Variants in LPCAT1 observed in about 807,000 individuals in gnomAD.
LPCAT1 encodes the protein lysophosphatidylcholine acyltransferase 1, also known as 1-acylglycerol-3-phosphate O-acyltransferase.
Under a neutral mutation model 60.9 loss-of-function variants are expected in LPCAT1, and 23 were observed. The observed-to-expected ratio is 0.38, with a 90% CI of 0.27 to 0.53. The LOEUF is 0.53. Ranked by LOEUF, LPCAT1 falls within the 20% of genes least tolerant of loss-of-function variation. LPCAT1 has a pLI of 0.82. For missense variants in LPCAT1, 622 were observed against 723.6 expected, an observed-to-expected ratio of 0.86 and a Z score of 1.61; for synonymous variants, 340 against 301.1, an observed-to-expected ratio of 1.13 and a Z score of -1.34.
At chr5:1,514,549 G>A (rs183517154) in intron 1 of LPCAT1, among the ~76,000 whole-genome samples, 2 of 152,276 alleles carry the variant, frequency 1.3e-5, no homozygotes, top group Admixed American at 6.5e-5. Flanking sequence ...TGAACCAAAC[G>A]CCCCACACCC....
rs538788227 is a variant in LPCAT1, at chr5:1,490,872, C to T, written c.494-1014G>A. Among the ~76,000 whole-genome samples, 53 of 152,288 alleles carry T rather than the reference C, an allele frequency of 3.5e-4. 1 individual carries two copies. The highest frequency in any genetic ancestry group is 3.4e-3 in the Middle Eastern group (1 of 294). On this transcript the variant is annotated intron_variant, in intron 3 of 13. Coordinates refer to ENST00000283415, the MANE Select transcript of LPCAT1 (RefSeq NM_024830.5). ...GAGGACGGTGAGCAGGATCCACACTCGGCGCCCCCCAGGCCAACTGAAGGT... is the reference window on the plus strand; with the variant it reads ...GAGGACGGTGAGCAGGATCCACACTTGGCGCCCCCCAGGCCAACTGAAGGT...
chr5:1,476,546 T>C lies in LPCAT1; in HGVS notation c.899+858A>G, dbSNP rs1734926397. The stretch of plus-strand genomic sequence containing the variant: ...CTCTGGAGAGGCGAGTTCCCAGCCA[T>C]GCCCCGACCTGCTGCAGCAGGAGCC... On this transcript the variant is annotated intron_variant, in intron 9 of 13. Transcript: ENST00000283415. The surrounding 1 kb of genome is among the most constrained non-coding windows in gnomAD (Gnocchi z 8.6). Among the ~76,000 whole-genome samples the C allele has an allele frequency of 6.6e-6, 1 of 152,070 alleles. No homozygotes were observed. Among genetic ancestry groups the C allele is most frequent in the African/African-American group, 2.4e-5 (1 of 41,398 alleles).
At chr5:1,469,916 G>C (rs1734599321) in intron 12 of LPCAT1, among the ~76,000 whole-genome samples, 1 of 152,252 alleles carries the variant, frequency 6.6e-6, no homozygotes, top group Admixed American at 6.5e-5. Flanking sequence ...AGGGAGGTCA[G>C]GCTTTCTTAC....
At position 1,470,912 on chromosome 5, in the gene LPCAT1, C is replaced by T. The variant is rs753927160; in HGVS notation, c.1192G>A (p.Glu398Lys). 13 of 1,613,002 alleles carry T rather than the reference C, an allele frequency of 8.1e-6. No individual in the cohort carries two copies. The East Asian group carries it at 1.1e-4, about 14-fold the overall frequency. ...ACCACACACTCTCGCAGGTCCACCT[C>T]GCCGCTGCCGCTCTGTGGGGAGAGA... is the stretch of plus-strand genomic sequence containing the variant. ...FSLFDESGSG[E>K]VDLRECVVAL... Residue 398 changes from glutamate to lysine, a missense_variant, in exon 12 of 14, where the codon GAG becomes AAG. Transcript: ENST00000283415.
At position 1,521,385 on chromosome 5, in the gene LPCAT1, G is replaced by A. The variant is rs1296663555; in HGVS notation, c.135+2325C>T. On this transcript the variant is annotated intron_variant, in intron 1 of 13. Coordinates refer to ENST00000283415, the MANE Select transcript of LPCAT1 (RefSeq NM_024830.5). This position sits in a 1 kb window ranked among gnomAD's most constrained non-coding sequence, Gnocchi z 4.3. Reference sequence around the variant, plus strand: ...CTGGGAACTTAGCTGGGTTTCTGCGGGTTCTTGAGTGTGTCAGCCACTACT... The same window carrying A: ...CTGGGAACTTAGCTGGGTTTCTGCGAGTTCTTGAGTGTGTCAGCCACTACT... 3.0e-6 allele frequency: 3 copies of A among 985,318 alleles called. No individual in the cohort carries two copies. The African/African-American group carries it at 5.2e-5, about 17-fold the overall frequency. 61.0% of individuals were successfully genotyped at this position (985,318 alleles called of 1,614,324 possible). A position where few individuals can be genotyped will look rare whatever the true frequency, so the allele number is the denominator to read the frequency against.
chr5:1,483,393 C>A lies in LPCAT1; in HGVS notation c.726+35G>T, dbSNP rs1300005987. ...CGCAGTTCCCGTTTCCCGGAGAATT[C>A]CCCTGGAAGCTGACCCCAAAAAAAC... On this transcript the variant is annotated intron_variant, in intron 6 of 13. Transcript: ENST00000283415. This position sits in a 1 kb window ranked among gnomAD's most constrained non-coding sequence, Gnocchi z 9.2. The A allele has an allele frequency of 1.9e-6, 3 of 1,610,748 alleles. No individual in the cohort carries two copies. Among genetic ancestry groups the A allele is most frequent in the Non-Finnish European group, 2.5e-6 (3 of 1,177,454 alleles).
rs1203365898 is a variant in LPCAT1 at position 1,521,544 on chromosome 5, A to C, written c.135+2166T>G. On this transcript the variant is annotated intron_variant, in intron 1 of 13. Transcript: ENST00000283415. The surrounding 1 kb of genome is among the most constrained non-coding windows in gnomAD (Gnocchi z 4.3). ...AAAGCAATGCTTGGTGAAAAGCAAA[A>C]TGTTTCTGCAGAGAACTTTGAGAAC... 2.2e-6 allele frequency: 2 copies of C among 926,046 alleles called. No individual in the cohort carries two copies. Among genetic ancestry groups the C allele is most frequent in the African/African-American group, 3.6e-5 (2 of 55,904 alleles). The allele number at this position is 926,046 out of a possible 1,614,324, so 57.4% of individuals were successfully genotyped here.
rs972448950 is a variant in LPCAT1 at position 1,523,359 on chromosome 5, G to A, written c.135+351C>T. ...GGTCCAGCCTCCCGCGGGAGCCGAGGTCGGGGCTCTGGGAGGCAGAGAAAG... is the reference window on the plus strand; with the variant it reads ...GGTCCAGCCTCCCGCGGGAGCCGAGATCGGGGCTCTGGGAGGCAGAGAAAG... On this transcript the variant is annotated intron_variant, in intron 1 of 13. Transcript: ENST00000283415. This position sits in a 1 kb window ranked among gnomAD's most constrained non-coding sequence, Gnocchi z 7.1. 3.2e-4 allele frequency among the ~76,000 whole-genome samples: 48 copies of A among 151,982 alleles called. No individual in the cohort carries two copies. Among genetic ancestry groups the A allele is most frequent in the Admixed American group, 2.6e-4 (4 of 15,268 alleles).
intron 1 of LPCAT1, among the ~76,000 whole-genome samples, chr5:1,513,580 G>T (rs996631475): frequency 3.9e-5 from 6 of 152,206 alleles, no homozygotes; most frequent in Non-Finnish European, 8.8e-5. Context: ...TGGAGGCTGC[G>T]GGGACTCGGT....
chr5:1,478,223 A>G (rs890791163), intron 8 of LPCAT1, among the ~76,000 whole-genome samples: 2 of 152,258 alleles, frequency 1.3e-5, no homozygotes, highest in Non-Finnish European at 2.9e-5. Flanking sequence ...TATGACCCAC[A>G]TTGCACACCG....
At position 1,465,379 on chromosome 5, in the gene LPCAT1, CG is replaced by C. The variant is rs1330076833; in HGVS notation, c.1420+1369del. Reference sequence around the variant, plus strand: ...GCACGCACAAGTGCACGAACACACACGGTAACACACATGCGCATGCACACAT... The same window carrying C: ...GCACGCACAAGTGCACGAACACACACGTAACACACATGCGCATGCACACAT... On this transcript the variant is annotated intron_variant, in intron 13 of 13. Coordinates refer to ENST00000283415, the MANE Select transcript of LPCAT1 (RefSeq NM_024830.5). 1.3e-4 allele frequency among the ~76,000 whole-genome samples: 19 copies of C among 143,458 alleles called. No homozygotes were observed. The South Asian group carries it at 4.2e-3, about 32-fold the overall frequency. The allele number at this position is 143,458 out of a possible 152,430, so 94.1% of individuals were successfully genotyped here.
intron 11 of LPCAT1, among the ~76,000 whole-genome samples, chr5:1,471,474 C>T (rs933579798): frequency 1.4e-4 from 22 of 152,296 alleles, no homozygotes; most frequent in African/African-American, 4.8e-4. Flanking sequence ...TGGGGGCTGA[C>T]AGGGTCTGCA....
At position 1,495,350 on chromosome 5, in the gene LPCAT1, G is replaced by A. The variant is rs189335654; in HGVS notation, c.279-436C>T. Among the ~76,000 whole-genome samples the A allele has an allele frequency of 9.2e-5, 14 of 151,574 alleles. No homozygotes were observed. Among genetic ancestry groups the A allele is most frequent in the Middle Eastern group, 6.8e-3 (2 of 294 alleles). On this transcript the variant is annotated intron_variant, in intron 2 of 13. Transcript: ENST00000283415. This position sits in a 1 kb window ranked among gnomAD's most constrained non-coding sequence, Gnocchi z 4.7. ...CAATATGGGGGGGGGGGCGCTCAGAGCTGAGGGCGGAAGCTGAGACCTGCG... is the reference window on the plus strand; with the variant it reads ...CAATATGGGGGGGGGGGCGCTCAGAACTGAGGGCGGAAGCTGAGACCTGCG...
At chr5:1,465,893 GCACA>G (rs1164884202) in intron 13 of LPCAT1, among the ~76,000 whole-genome samples, 1 of 151,170 alleles carries the variant, frequency 6.6e-6, no homozygotes, top group South Asian at 2.1e-4. Flanking sequence ...AGGCGCACAC[GCACA>G]CACACGTGTG....
chr5:1,484,246 G>A (rs1158596024), intron 5 of LPCAT1, among the ~76,000 whole-genome samples: 2 of 152,246 alleles, frequency 1.3e-5, no homozygotes, highest in African/African-American at 4.8e-5. Context: ...GAACTTCCCC[G>A]TTCCCACTGG....
rs1488864696 is a variant in LPCAT1 at position 1,481,412 on chromosome 5, A to G, written c.727-436T>C. Among the ~76,000 whole-genome samples, 3 of 151,958 alleles carry G rather than the reference A, an allele frequency of 2.0e-5. No homozygotes were observed. Among genetic ancestry groups the G allele is most frequent in the African/African-American group, 4.8e-5 (2 of 41,352 alleles). On this transcript the variant is annotated intron_variant, in intron 6 of 13. Transcript: ENST00000283415. This position sits in a 1 kb window ranked among gnomAD's most constrained non-coding sequence, Gnocchi z 7.8. ...CCTCTCCTGCCCACCGCTCTCTCCAACTGCTCTGAGTGTTCCCCCAACCAC... is the reference window on the plus strand; with the variant it reads ...CCTCTCCTGCCCACCGCTCTCTCCAGCTGCTCTGAGTGTTCCCCCAACCAC...
intron 5 of LPCAT1, 112 bp downstream of exon 5, chr5:1,488,279 A>C: frequency 3.2e-6 from 2 of 633,542 alleles, no homozygotes; most frequent in Non-Finnish European, 5.4e-6. Context: ...ACCCCAGCAC[A>C]CAGGATAAAA....
At chr5:1,501,738 A>G in intron 1 of LPCAT1, 135 bp from the exon 2 acceptor site, 5 of 897,478 alleles carry the variant, frequency 5.6e-6, no homozygotes, top group Non-Finnish European at 8.7e-6. Flanking sequence ...GCTGGCACAC[A>G]GCTGACCAAG....
At position 1,496,637 on chromosome 5, in the gene LPCAT1, G is replaced by A. The variant is rs532308397; in HGVS notation, c.279-1723C>T. 7.2e-5 allele frequency among the ~76,000 whole-genome samples: 11 copies of A among 152,246 alleles called. No individual in the cohort carries two copies. Among genetic ancestry groups the A allele is most frequent in the South Asian group, 2.1e-4 (1 of 4,816 alleles). ...TTAGAGGAACACACCTGCCAGCCCCGAAATCGAATTGCAGGGACAGACGGT... is the reference window on the plus strand; with the variant it reads ...TTAGAGGAACACACCTGCCAGCCCCAAAATCGAATTGCAGGGACAGACGGT... On this transcript the variant is annotated intron_variant, in intron 2 of 13. Coordinates refer to ENST00000283415, the MANE Select transcript of LPCAT1 (RefSeq NM_024830.5). The surrounding 1 kb of genome is among the most constrained non-coding windows in gnomAD (Gnocchi z 4.7).
Sources: allele counts gnomAD v4.1 joint callset (sites outside exome capture counted in the v4.1 genomes callset), GRCh38; gene constraint gnomAD v4.1.1; non-coding constraint Gnocchi (gnomAD v3.1); transcripts MANE v1.5; gene names NCBI Gene and HGNC (gene_info 2026-07-23, HGNC 2026-07-21).